Variants in VPS13D observed in about 807,000 individuals in gnomAD.
VPS13D encodes vacuolar protein sorting 13 homolog D.
In VPS13D, 187 loss-of-function variants were observed where a neutral mutation model predicts 461.9. The ratio of observed to expected loss-of-function variants is 0.40; its 90% CI spans 0.36 to 0.46. The LOEUF is 0.46. Among genes scored for constraint, VPS13D ranks in the 20% least tolerant of loss-of-function variants. The pLI, the probability that VPS13D is intolerant of heterozygous loss-of-function variation, is 0.60. For synonymous variants in VPS13D, 1,951 were observed against 1,986.3 expected (o/e 0.98, Z 0.47); for missense variants, 4,711 against 5,364.9 (o/e 0.88, Z 3.81).
rs138591444 is a variant in VPS13D at position 12,273,028 on chromosome 1, G to A, written c.2129G>A (p.Arg710Gln). Residue 710 changes from arginine to glutamine, a missense_variant, in exon 18 of 70, where the codon CGG (arginine) becomes CAG (glutamine). Transcript: ENST00000620676. The part of the protein sequence containing the change: ...FIEESKRWTV[R>Q]LDISAPQVIF... ...GAGGAGAGTAAACGATGGACCGTGC[G>A]GCTGGATATTTCTGCCCCTCAGGTG... is the stretch of plus-strand genomic sequence containing the variant. 1.9e-5 allele frequency: 30 copies of A among 1,614,022 alleles called. No homozygotes were observed. Among genetic ancestry groups the A allele is most frequent in the South Asian group, 4.4e-5 (4 of 91,066 alleles).
chr1:12,290,646 C>T (rs1183248241), intron 22 of VPS13D, among the ~76,000 whole-genome samples: 1 of 151,678 alleles, frequency 6.6e-6, no homozygotes, highest in Non-Finnish European at 1.5e-5. Flanking sequence ...TGGCGTGAAC[C>T]CGGGAGGCAG....
intron 28 of VPS13D, 40 bp from the exon 29 acceptor site, chr1:12,311,773 C>T (rs200877719): frequency 6.3e-7 from 1 of 1,593,134 alleles, no homozygotes; most frequent in East Asian, 2.2e-5. Flanking sequence ...TTTAGGATGG[C>T]ATCATCAGCT....
intron 62 of VPS13D, chr1:12,402,488 A>G (rs1436100258): frequency 6.6e-6 from 1 of 152,260 alleles, no homozygotes; most frequent in Non-Finnish European, 1.5e-5. Context: ...GGCTAGAGAA[A>G]AAAATCACTG....
intron 67 of VPS13D, among the ~76,000 whole-genome samples, chr1:12,460,850 T>A (rs114038915): frequency 0.023 from 3,553 of 152,188 alleles, 111 homozygotes; most frequent in African/African-American, 0.079. Flanking sequence ...GAATCCCCAC[T>A]GTTGTTGTTC....
chr1:12,296,221 C>G (rs1400177761), intron 24 of VPS13D, among the ~76,000 whole-genome samples: 2 of 152,166 alleles, frequency 1.3e-5, no homozygotes, highest in African/African-American at 4.8e-5. Flanking sequence ...GCGCACATTT[C>G]TCTTCACTAG....
chr1:12,508,691 C>CAAA lies in VPS13D; in HGVS notation c.13036-188_13036-186dup, dbSNP rs35358579. Among the ~76,000 whole-genome samples the CAAA allele has an allele frequency of 2.2e-3, 269 of 121,244 alleles. 2 individuals are homozygous for CAAA. Among genetic ancestry groups the CAAA allele is most frequent in the African/African-American group, 6.4e-3 (211 of 33,056 alleles). 79.5% of individuals were successfully genotyped at this position (121,244 alleles called of 152,430 possible). A position where few individuals can be genotyped will look rare whatever the true frequency, so the allele number is the denominator to read the frequency against. On this transcript the variant is annotated intron_variant, in intron 69 of 69. Coordinates refer to ENST00000620676, the MANE Select transcript of VPS13D (RefSeq NM_015378.4). ...CGCCTAGGCGACAGAGACTCCGTCTCAAAAAAAAAAAAAAAATTGCAGGGA... is the reference window on the plus strand; with the variant it reads ...CGCCTAGGCGACAGAGACTCCGTCTCAAAAAAAAAAAAAAAAAAATTGCAGGGA...
chr1:12,353,895 T>C, intron 46 of VPS13D, 79 bp from the exon 47 acceptor site: 1 of 1,437,358 alleles, frequency 7.0e-7, no homozygotes, highest in Non-Finnish European at 9.4e-7. Context: ...AATGTTATTC[T>C]TTCTCATACT....
chr1:12,362,365 A>G (rs1172882798), intron 50 of VPS13D, among the ~76,000 whole-genome samples: 5 of 152,226 alleles, frequency 3.3e-5, no homozygotes, highest in Non-Finnish European at 7.3e-5. Flanking sequence ...AAAAAGTATC[A>G]TGTGAAACTG....
At position 12,341,125 on chromosome 1, in the gene VPS13D, C is replaced by T. The variant is rs1161878980; in HGVS notation, c.8627-655C>T. 3.3e-5 allele frequency among the ~76,000 whole-genome samples: 5 copies of T among 152,232 alleles called. No homozygotes were observed. In the South Asian group the frequency reaches 8.3e-4, roughly 25 times the overall value. ...ATTCCCTGATTAGAAGCTTTTTGTG[C>T]AATGAAGCCATATTTTATGTTCCTT... On this transcript the variant is annotated intron_variant, in intron 40 of 69. Transcript: ENST00000620676.
At chr1:12,488,059 C>A (rs1645824780) in intron 67 of VPS13D, among the ~76,000 whole-genome samples, 1 of 152,196 alleles carries the variant, frequency 6.6e-6, no homozygotes, top group African/African-American at 2.4e-5. Context: ...TTTAAGCACT[C>A]CTTTCTTCAG....
intron 36 of VPS13D, among the ~76,000 whole-genome samples, chr1:12,329,625 G>A (rs964042536): frequency 2.6e-5 from 4 of 152,244 alleles, no homozygotes; most frequent in African/African-American, 9.6e-5. Flanking sequence ...GAGGGTGCCA[G>A]AAAACTCAGT....
intron 65 of VPS13D, among the ~76,000 whole-genome samples, chr1:12,421,741 A>G (rs1644866920): frequency 6.6e-6 from 1 of 152,222 alleles, no homozygotes; most frequent in Non-Finnish European, 1.5e-5. Context: ...AAGAAAGCCA[A>G]CAGCATACTT....
rs775824968 is a variant in VPS13D, at chr1:12,327,751, G to C, written c.8094G>C (p.Ala2698=). 4.7e-5 allele frequency: 76 copies of C among 1,613,966 alleles called. No homozygotes were observed. In the Admixed American group the frequency reaches 7.8e-4, roughly 17 times the overall value. Residue 2698 remains alanine (A), a synonymous_variant, in exon 36 of 70, where the codon GCG becomes GCC. Transcript: ENST00000620676. ...TSRDSPGAVA[A]PLISGVEIKA... Reference sequence around the variant, plus strand: ...GAGATAGCCCAGGGGCTGTGGCAGCGCCATTGATCTCTGGCGTGGAGATCA... The same window carrying C: ...GAGATAGCCCAGGGGCTGTGGCAGCCCCATTGATCTCTGGCGTGGAGATCA...
chr1:12,307,787 C>T (rs1436920647), intron 26 of VPS13D, among the ~76,000 whole-genome samples: 4 of 152,172 alleles, frequency 2.6e-5, no homozygotes, highest in South Asian at 4.1e-4. Flanking sequence ...CCACCGCTCC[C>T]GGCTTACAGA....
At chr1:12,421,668 T>A (rs1459281801) in intron 65 of VPS13D, among the ~76,000 whole-genome samples, 1 of 152,230 alleles carries the variant, frequency 6.6e-6, no homozygotes, top group Non-Finnish European at 1.5e-5. Context: ...GATCCCACTG[T>A]CTTTTCTGCC....
chr1:12,503,017 C>G (rs540704122), intron 68 of VPS13D, among the ~76,000 whole-genome samples: 2 of 152,144 alleles, frequency 1.3e-5, no homozygotes, highest in Admixed American at 1.3e-4. Flanking sequence ...GTGGCTGGCT[C>G]CCCTGGCGAG....
At chr1:12,274,019 T>C (rs1298092918) in intron 18 of VPS13D, among the ~76,000 whole-genome samples, 1 of 152,214 alleles carries the variant, frequency 6.6e-6, no homozygotes, top group Non-Finnish European at 1.5e-5. Context: ...TATGTTTTAA[T>C]ATTTTGAGGA....
chr1:12,348,621 C>A (rs955169607), intron 44 of VPS13D, among the ~76,000 whole-genome samples: 1 of 151,798 alleles, frequency 6.6e-6, no homozygotes, highest in Non-Finnish European at 1.5e-5. Flanking sequence ...TTTTGTAGAA[C>A]TTTTTAGAAT....
At chr1:12,300,207 CT>C (rs35299447) in intron 25 of VPS13D, among the ~76,000 whole-genome samples, 31 of 123,306 alleles carry the variant, frequency 2.5e-4, no homozygotes, top group Admixed American at 4.6e-4. Flanking sequence ...ATTTGCTTTG[CT>C]TTTTTTTTTT....
Sources: gnomAD v4.1 joint callset for allele counts (sites outside exome capture counted in the v4.1 genomes callset) on GRCh38, gnomAD v4.1.1 for gene constraint, MANE v1.5 for transcripts, NCBI Gene and HGNC (gene_info 2026-07-23, HGNC 2026-07-21) for gene names.